Variants in SPATA31H1 observed in about 807,000 individuals in gnomAD.
SPATA31H1 encodes spermatogenesis-associated protein 31H1.
chr2:27,576,253 CTG>C, the SPATA31H1 span: 1 of 425,412 alleles, frequency 2.4e-6, no homozygotes, highest in East Asian at 3.3e-5. Context: ...GTGTTCAACT[CTG>C]TGCAACATTT....
At chr2:27,575,990 G>A in the SPATA31H1 span, 2 of 398,632 alleles carry the variant, frequency 5.0e-6, no homozygotes, top group Non-Finnish European at 8.8e-6. This position sits in a 1 kb window ranked among gnomAD's most constrained non-coding sequence, Gnocchi z 4.1. Flanking sequence ...TACCACATTT[G>A]CAAGGTTTAA....
At chr2:27,556,475 C>T in the SPATA31H1 span, among the ~76,000 whole-genome samples, 39 of 151,432 alleles carry the variant, frequency 2.6e-4, 2 homozygotes, top group Non-Finnish European at 7.4e-5. Context: ...GTCCCATATA[C>T]CTATTGGCTC....
At chr2:27,580,133 C>T in the SPATA31H1 span, 26 of 1,614,034 alleles carry the variant, frequency 1.6e-5, no homozygotes, top group East Asian at 1.6e-4. Flanking sequence ...GAGATAGACC[C>T]GTCATACGGA....
chr2:27,580,848 G>GACAT, the SPATA31H1 span: 2 of 1,614,172 alleles, frequency 1.2e-6, no homozygotes, highest in East Asian at 4.5e-5. Flanking sequence ...TAAGCAGGAG[G>GACAT]ACATATTGTG....
At chr2:27,581,679 C>G in the SPATA31H1 span, 1 of 1,613,206 alleles carries the variant, frequency 6.2e-7, no homozygotes, top group East Asian at 2.2e-5. Flanking sequence ...GAGGAGCCAT[C>G]GTGGTCCCTC....
At chr2:27,579,501 A>G in the SPATA31H1 span, 2 of 1,614,266 alleles carry the variant, frequency 1.2e-6, no homozygotes, top group Non-Finnish European at 1.7e-6. Flanking sequence ...GGCCTTAAGG[A>G]TATGGACACG....
the SPATA31H1 span, among the ~76,000 whole-genome samples, chr2:27,548,938 G>T: frequency 6.6e-6 from 1 of 151,498 alleles, no homozygotes; most frequent in Non-Finnish European, 1.5e-5. Context: ...GCCAGGTGTG[G>T]TGGCACGCGC....
the SPATA31H1 span, chr2:27,578,489 T>A: frequency 2.9e-5 from 47 of 1,613,982 alleles, no homozygotes; most frequent in Non-Finnish European, 3.6e-5. Context: ...CAAGGCCACA[T>A]CTTCAAGAAC....
At chr2:27,581,459 C>T in the SPATA31H1 span, 24 of 1,613,944 alleles carry the variant, frequency 1.5e-5, no homozygotes, top group African/African-American at 2.9e-4. Flanking sequence ...CTGAAAGGGG[C>T]CTTCACAGTC....
the SPATA31H1 span, chr2:27,582,314 G>C: frequency 6.2e-7 from 1 of 1,614,166 alleles, no homozygotes; most frequent in Non-Finnish European, 8.5e-7. Flanking sequence ...GTCCCTCTGA[G>C]ATGAGGCCAG....
the SPATA31H1 span, among the ~76,000 whole-genome samples, chr2:27,558,595 C>T: frequency 8.9e-4 from 4 of 4,516 alleles, no homozygotes; most frequent in East Asian, 8.4e-3. Context: ...CGCCACTGCA[C>T]TCCAGCCTGG....
At chr2:27,580,341 A>C in the SPATA31H1 span, 1 of 1,614,146 alleles carries the variant, frequency 6.2e-7, no homozygotes, top group South Asian at 1.1e-5. Context: ...CTATGAATTC[A>C]CTCAAGTTCA....
chr2:27,562,503 C>G, the SPATA31H1 span, among the ~76,000 whole-genome samples: 1 of 140,948 alleles, frequency 7.1e-6, no homozygotes, highest in African/African-American at 2.7e-5. Flanking sequence ...AGAACGAGAC[C>G]TTGTCTCAAA....
the SPATA31H1 span, among the ~76,000 whole-genome samples, chr2:27,542,030 T>C: frequency 3.4e-3 from 517 of 152,034 alleles, 11 homozygotes; most frequent in African/African-American, 0.012. Context: ...ACCTCAGCCT[T>C]CCAAAGTGCT....
At chr2:27,576,981 C>T in the SPATA31H1 span, 1 of 1,613,986 alleles carries the variant, frequency 6.2e-7, no homozygotes, top group Middle Eastern at 1.6e-4. Flanking sequence ...AGAGATGATC[C>T]CACAGCCAAA....
chr2:27,540,673 G>A, the SPATA31H1 span, among the ~76,000 whole-genome samples: 38 of 139,546 alleles, frequency 2.7e-4, no homozygotes, highest in African/African-American at 4.7e-4. Context: ...CTTCTCAGAC[G>A]GGGCGGCCGG....
chr2:27,580,137 A>T, the SPATA31H1 span: 9 of 1,614,112 alleles, frequency 5.6e-6, no homozygotes, highest in African/African-American at 1.2e-4. Flanking sequence ...TAGACCCGTC[A>T]TACGGAGAAG....
the SPATA31H1 span, chr2:27,579,683 T>G: frequency 6.2e-7 from 1 of 1,614,156 alleles, no homozygotes. Context: ...TCAGCATATT[T>G]TACGATAGAG....
At chr2:27,559,191 T>C in the SPATA31H1 span, among the ~76,000 whole-genome samples, 1 of 152,216 alleles carries the variant, frequency 6.6e-6, no homozygotes, top group Non-Finnish European at 1.5e-5. Flanking sequence ...GCGATATTTT[T>C]GCTTCTGGCA....
Sources: gnomAD v4.1 joint callset for allele counts (sites outside exome capture counted in the v4.1 genomes callset) on GRCh38, gnomAD v4.1.1 for gene constraint, Gnocchi (gnomAD v3.1) non-coding constraint, MANE v1.5 for transcripts, NCBI Gene and HGNC (gene_info 2026-07-23, HGNC 2026-07-21) for gene names.